CYP2C18: variants seen among roughly 807,000 people sequenced by gnomAD.
The protein encoded by CYP2C18 is cytochrome P450 family 2 subfamily C member 18.
CYP2C18 carries 38 observed loss-of-function variants against 41.3 expected under a neutral mutation model. The observed-to-expected ratio is 0.92, with a 90% confidence interval of 0.71 to 1.21. The LOEUF (loss-of-function observed/expected upper bound fraction) is 1.21, where lower values mean the gene tolerates loss of function less well. CYP2C18 is among the 50% of genes most tolerant of loss of function. The pLI is 0.00. For synonymous variants in CYP2C18, 236 were observed against 210.0 expected (o/e 1.12, Z -1.07); for missense variants, 635 against 591.4 (o/e 1.07, Z -0.77).
intron 3 of CYP2C18, among the ~76,000 whole-genome samples, chr10:94,690,233 C>G (rs151100099): frequency 0.023 from 3,551 of 152,158 alleles, 43 homozygotes; most frequent in Admixed American, 0.036. Flanking sequence ...TTATCCTCTC[C>G]CCATCCAAGT....
chr10:94,683,992 G>A lies in CYP2C18; in HGVS notation c.168+5G>A, dbSNP rs1846836101. ...ATGAGCAAATCCTTAACCAATGTAA[G>A]TATGCTTTATGTTCCTCCAGTAATG... On this transcript the variant is annotated splice_donor_5th_base_variant and intron_variant, in intron 1 of 8. Transcript: ENST00000285979. The A allele has an allele frequency of 1.3e-6, 2 of 1,593,452 alleles. No homozygotes were observed. Among genetic ancestry groups the A allele is most frequent in the Non-Finnish European group, 1.7e-6 (2 of 1,168,196 alleles).
chr10:94,691,120 G>A (rs1846990242), intron 3 of CYP2C18, among the ~76,000 whole-genome samples: 1 of 152,144 alleles, frequency 6.6e-6, no homozygotes, highest in Non-Finnish European at 1.5e-5. Context: ...CACAAGACAA[G>A]GATGCCCTCT....
chr10:94,684,336 G>T (rs1281207396), intron 1 of CYP2C18, among the ~76,000 whole-genome samples: 1 of 152,030 alleles, frequency 6.6e-6, no homozygotes, highest in Non-Finnish European at 1.5e-5. Context: ...GTTGACCAAC[G>T]TATCCCCTTA....
At chr10:94,711,420 T>C (rs1221217954) in intron 5 of CYP2C18, among the ~76,000 whole-genome samples, 1 of 152,158 alleles carries the variant, frequency 6.6e-6, no homozygotes, top group East Asian at 1.9e-4. Context: ...AATTCTTTTT[T>C]TTTTCTCAGA....
chr10:94,720,246 C>G, intron 5 of CYP2C18, 150 bp from the exon 6 acceptor site: 3 of 613,072 alleles, frequency 4.9e-6, no homozygotes, highest in South Asian at 4.8e-5. Context: ...CATTCTCTGC[C>G]ACACCGTGCA....
rs111562193 is a variant in CYP2C18 at position 94,717,952 on chromosome 10, T to C, written c.820-2444T>C. On this transcript the variant is annotated intron_variant, in intron 5 of 8. Transcript: ENST00000285979. Reference sequence around the variant, plus strand: ...CTATTTGGGTATTTTTGTGGTTCTATATGAATTTTTTGGGGATGACTTTTC... The same window carrying C: ...CTATTTGGGTATTTTTGTGGTTCTACATGAATTTTTTGGGGATGACTTTTC... Among the ~76,000 whole-genome samples the C allele has an allele frequency of 2.2e-3, 341 of 152,212 alleles. 1 individual carries two copies. The highest frequency in any genetic ancestry group is 7.1e-3 in the African/African-American group (294 of 41,570).
At chr10:94,715,267 AG>A (rs1847518078) in intron 5 of CYP2C18, among the ~76,000 whole-genome samples, 1 of 152,340 alleles carries the variant, frequency 6.6e-6, no homozygotes, top group East Asian at 1.9e-4. Context: ...CAGTTTTCAA[AG>A]GGAATGCTTC....
At chr10:94,730,194 G>T (rs978191297) in intron 7 of CYP2C18, among the ~76,000 whole-genome samples, 3 of 151,728 alleles carry the variant, frequency 2.0e-5, no homozygotes, top group Admixed American at 1.3e-4. Context: ...AGTTAACTTG[G>T]GGCTAAGTCA....
At chr10:94,692,914 C>T (rs114373849) in intron 3 of CYP2C18, among the ~76,000 whole-genome samples, 14 of 151,810 alleles carry the variant, frequency 9.2e-5, no homozygotes, top group East Asian at 1.9e-4. Context: ...AGCAAACTAT[C>T]GCAAGACCAA....
intron 6 of CYP2C18, 115 bp downstream of exon 6, chr10:94,720,652 C>A: frequency 9.4e-7 from 1 of 1,068,954 alleles, no homozygotes; most frequent in Non-Finnish European, 1.4e-6. Flanking sequence ...AATTTCTGTG[C>A]CATTGGCTCT....
intron 4 of CYP2C18, among the ~76,000 whole-genome samples, chr10:94,703,968 C>T (rs1452820715): frequency 6.6e-6 from 1 of 152,152 alleles, no homozygotes; most frequent in Non-Finnish European, 1.5e-5. Context: ...TCATGGCTTC[C>T]CTTGGCTAGG....
chr10:94,705,187 AG>A (rs1226407387), intron 4 of CYP2C18, among the ~76,000 whole-genome samples: 1 of 152,214 alleles, frequency 6.6e-6, no homozygotes, highest in Non-Finnish European at 1.5e-5. Context: ...AGCCATAAAA[AG>A]GAATGAGATT....
chr10:94,690,537 A>G (rs1331193370), intron 3 of CYP2C18, among the ~76,000 whole-genome samples: 1 of 152,194 alleles, frequency 6.6e-6, no homozygotes, highest in Admixed American at 6.5e-5. Flanking sequence ...TTGAGGCAAT[A>G]ATTAATAGCT....
intron 5 of CYP2C18, among the ~76,000 whole-genome samples, chr10:94,712,666 G>T (rs1453622266): frequency 6.6e-6 from 1 of 152,112 alleles, no homozygotes; most frequent in Non-Finnish European, 1.5e-5. Context: ...TGCAGACATT[G>T]CTTTGACATA....
intron 5 of CYP2C18, among the ~76,000 whole-genome samples, chr10:94,717,042 T>C (rs904085430): frequency 6.6e-6 from 1 of 152,196 alleles, no homozygotes; most frequent in Non-Finnish European, 1.5e-5. Context: ...TGGTAGATCT[T>C]CCTCCTTCCC....
At chr10:94,716,599 A>C (rs1338496516) in intron 5 of CYP2C18, among the ~76,000 whole-genome samples, 1 of 152,158 alleles carries the variant, frequency 6.6e-6, no homozygotes, top group African/African-American at 2.4e-5. Flanking sequence ...CTTTAATTCC[A>C]ACTATGTGGT....
intron 4 of CYP2C18, among the ~76,000 whole-genome samples, chr10:94,704,192 C>G (rs770969931): frequency 6.6e-6 from 1 of 152,136 alleles, no homozygotes; most frequent in Non-Finnish European, 1.5e-5. Flanking sequence ...TTGCCCCAAT[C>G]CCAGTCCAGA....
In CYP2C18 at chr10:94,722,018, T is replaced by C. The variant is rs569525014; in HGVS notation, c.961+1481T>C. ...AATGATTTCTTTTATTTTGGATAGA[T>C]ACCCAGTAGTGGGATTGCTGGATCA... On this transcript the variant is annotated intron_variant, in intron 6 of 8. Coordinates refer to ENST00000285979, the MANE Select transcript of CYP2C18 (RefSeq NM_000772.3). Among the ~76,000 whole-genome samples the C allele has an allele frequency of 7.2e-5, 11 of 152,308 alleles. No homozygotes were observed. The East Asian group carries it at 7.7e-4, about 11-fold the overall frequency.
intron 7 of CYP2C18, among the ~76,000 whole-genome samples, chr10:94,730,609 G>C (rs1390131142): frequency 2.0e-5 from 3 of 152,102 alleles, no homozygotes; most frequent in African/African-American, 7.2e-5. Flanking sequence ...GTTCCAAAGA[G>C]GAATTAATGA....
Sources: allele counts gnomAD v4.1 joint callset (sites outside exome capture counted in the v4.1 genomes callset), GRCh38; gene constraint gnomAD v4.1.1; transcripts MANE v1.5; gene names NCBI Gene and HGNC (gene_info 2026-07-23, HGNC 2026-07-21).